LCOR: variants seen among roughly 807,000 people sequenced by gnomAD.
LCOR encodes ligand-dependent corepressor.
Under a neutral mutation model 64.4 loss-of-function variants are expected in LCOR, and 14 were observed. That is an observed-to-expected ratio of 0.22 (90% CI 0.14 to 0.34). LCOR has a LOEUF of 0.34. LCOR is among the 10% of genes least tolerant of loss of function. The pLI, the probability that LCOR is intolerant of heterozygous loss-of-function variation, is 1.00. For missense variants in LCOR, 1,686 were observed against 1,765.3 expected, an observed-to-expected ratio of 0.96 and a Z score of 0.80; for synonymous variants, 643 against 642.5, an observed-to-expected ratio of 1.00 and a Z score of -0.01.
At position 96,984,689 on chromosome 10, in the gene LCOR, G is replaced by T. The variant is rs200954730; in HGVS notation, c.4229G>T (p.Ser1410Ile). 7 of 1,614,014 alleles carry T rather than the reference G, an allele frequency of 4.3e-6. No individual in the cohort carries two copies. Residue 1410 changes from serine to isoleucine, a missense_variant, in exon 8 of 8, where the codon AGT becomes ATT. Physicochemically the swap from Ser to Ile is moderately radical, Grantham distance 142. This residue lies in a region of LCOR where 1,293 missense variants were observed against 1,410.4 expected (regional missense o/e 0.92). Transcript: ENST00000421806. ...ACAGAAGGCAGCAGCCCTCCAGATA[G>T]TAAGAACAAGGGGCCTACGGTGAAA... ...KRTEGSSPPD[S>I]KNKGPTVKAS... is the part of the protein sequence containing the mutation.
At chr10:96,845,178 T>C (rs933184561) in intron 2 of LCOR, among the ~76,000 whole-genome samples, 2 of 152,160 alleles carry the variant, frequency 1.3e-5, no homozygotes, top group African/African-American at 2.4e-5. Flanking sequence ...TCATTGGTCT[T>C]AGACAAAATG....
chr10:96,941,040 TC>T (rs1481060480), intron 4 of LCOR, among the ~76,000 whole-genome samples: 4 of 100,640 alleles, frequency 4.0e-5, no homozygotes, highest in Admixed American at 9.3e-5. Flanking sequence ...CCCACCTCCC[TC>T]CCGGACAGGG....
At chr10:96,965,092 T>C (rs961252002) in intron 7 of LCOR, among the ~76,000 whole-genome samples, 2 of 151,650 alleles carry the variant, frequency 1.3e-5, no homozygotes, top group African/African-American at 4.8e-5. Flanking sequence ...CACTGCAAGC[T>C]CTGCTTCCTG....
At position 96,991,767 on chromosome 10, in the gene LCOR, A is replaced by T. The variant is rs760986352; in HGVS notation, c.*6633A>T. On this transcript the variant is annotated 3_prime_UTR_variant, in exon 8 of 8. Transcript: ENST00000421806. ...AGGGCTCTCCAGCCCAGCCCGAGTC[A>T]CTGCTCGTTCTGAGGAGCCATCCTT... 6.6e-6 allele frequency: 1 copy of T among 152,190 alleles called. No homozygotes were observed. Among genetic ancestry groups the T allele is most frequent in the African/African-American group, 2.4e-5 (1 of 41,444 alleles). 9.4% of individuals were successfully genotyped at this position (152,190 alleles called of 1,614,324 possible).
intron 7 of LCOR, among the ~76,000 whole-genome samples, chr10:96,969,139 C>T (rs1478435979): frequency 6.6e-6 from 1 of 152,148 alleles, no homozygotes; most frequent in Non-Finnish European, 1.5e-5. Flanking sequence ...AAGGCATTGA[C>T]AGCACCTGAT....
chr10:96,991,697 G>C lies in LCOR; in HGVS notation c.*6563G>C, dbSNP rs1848202070. The C allele has an allele frequency of 1.3e-5, 2 of 152,218 alleles. No individual in the cohort carries two copies. Among genetic ancestry groups the C allele is most frequent in the Admixed American group, 1.3e-4 (2 of 15,282 alleles). 9.4% of individuals were successfully genotyped at this position (152,218 alleles called of 1,614,324 possible). On this transcript the variant is annotated 3_prime_UTR_variant, in exon 8 of 8. Transcript: ENST00000421806. ...TTCTCTTAAAAATACCAGCATGTCT[G>C]TGGCATCTTGTCAGGACACCGGCAG...
At chr10:96,949,421 T>C in intron 6 of LCOR, 126 bp downstream of exon 6, 1 of 893,680 alleles carries the variant, frequency 1.1e-6, no homozygotes, top group Non-Finnish European at 1.7e-6. Flanking sequence ...GATTCTTAAA[T>C]TATTTCTTAC....
chr10:96,919,243 C>T (rs994854741), intron 4 of LCOR, among the ~76,000 whole-genome samples: 1 of 152,142 alleles, frequency 6.6e-6, no homozygotes, highest in African/African-American at 2.4e-5. Context: ...GTTAGAGTTC[C>T]ATAGAGCCTC....
intron 2 of LCOR, among the ~76,000 whole-genome samples, chr10:96,882,212 C>G (rs1221689213): frequency 6.6e-6 from 1 of 151,932 alleles, no homozygotes; most frequent in Non-Finnish European, 1.5e-5. Flanking sequence ...TTGCACATTT[C>G]TTTAATGTAT....
At chr10:96,938,709 A>C (rs1281027312) in intron 4 of LCOR, among the ~76,000 whole-genome samples, 1 of 152,230 alleles carries the variant, frequency 6.6e-6, no homozygotes. Context: ...ATTAAAAAAA[A>C]ATAATAATTG....
At chr10:96,878,348 A>G (rs537528034) in intron 2 of LCOR, among the ~76,000 whole-genome samples, 29 of 152,178 alleles carry the variant, frequency 1.9e-4, no homozygotes, top group Admixed American at 1.1e-3. Context: ...CAGGTGAGAG[A>G]TGAAGGTTGC....
intron 2 of LCOR, among the ~76,000 whole-genome samples, chr10:96,875,066 G>A (rs1049743984): frequency 6.6e-6 from 1 of 150,930 alleles, no homozygotes; most frequent in Non-Finnish European, 1.5e-5. Context: ...TTTGTGAGCT[G>A]TCAGGGCAAT....
At chr10:96,955,949 A>G (rs1847765185) in intron 7 of LCOR, 10 of 1,593,090 alleles carry the variant, frequency 6.3e-6, no homozygotes, top group Non-Finnish European at 8.5e-6. Flanking sequence ...CAATTACTGT[A>G]CAAACTGGGT....
At chr10:96,904,901 T>C (rs1214321559) in intron 2 of LCOR, among the ~76,000 whole-genome samples, 1 of 152,212 alleles carries the variant, frequency 6.6e-6, no homozygotes, top group East Asian at 1.9e-4. Context: ...TAACATCCAG[T>C]GAACAGAGGG....
At chr10:96,901,146 G>A (rs1011985458) in intron 2 of LCOR, among the ~76,000 whole-genome samples, 2 of 151,752 alleles carry the variant, frequency 1.3e-5, no homozygotes, top group South Asian at 2.1e-4. Context: ...CCAAGATCAC[G>A]CCACTGCACT....
At chr10:96,970,023 C>T (rs1363285288) in intron 7 of LCOR, among the ~76,000 whole-genome samples, 1 of 143,240 alleles carries the variant, frequency 7.0e-6, no homozygotes, top group Non-Finnish European at 1.5e-5. Flanking sequence ...GATCTCCTGA[C>T]CTCATGATCC....
intron 4 of LCOR, among the ~76,000 whole-genome samples, chr10:96,909,753 G>A (rs549491654): frequency 6.6e-6 from 1 of 152,244 alleles, no homozygotes; most frequent in African/African-American, 2.4e-5. Flanking sequence ...GTCTGTTTTT[G>A]TTGAATTGAG....
At chr10:96,866,708 C>T (rs747848895) in intron 2 of LCOR, among the ~76,000 whole-genome samples, 29 of 151,402 alleles carry the variant, frequency 1.9e-4, no homozygotes, top group African/African-American at 3.6e-4. Flanking sequence ...CCTAGTAGCT[C>T]GGATTACAGG....
chr10:96,933,178 A>G (rs1433268561), intron 4 of LCOR, among the ~76,000 whole-genome samples: 1 of 152,160 alleles, frequency 6.6e-6, no homozygotes, highest in East Asian at 1.9e-4. Flanking sequence ...TGTGTTTTTT[A>G]GGGGAATATA....
Sources: gnomAD v4.1 joint callset for allele counts (sites outside exome capture counted in the v4.1 genomes callset) on GRCh38, gnomAD v4.1.1 for gene constraint, gnomAD v4.1.1 regional missense constraint, MANE v1.5 for transcripts, NCBI Gene and HGNC (gene_info 2026-07-23, HGNC 2026-07-21) for gene names.